Variants in NPM2 observed in about 807,000 individuals in gnomAD.
The protein encoded by NPM2 is nucleophosmin/nucleoplasmin 2, also known as nucleoplasmin-2.
A neutral mutation model predicts 32.0 loss-of-function variants in NPM2; 25 were observed. That is an observed-to-expected ratio of 0.78 (90% CI 0.57 to 1.09). The LOEUF is 1.09. NPM2 is among the 50% of genes least tolerant of loss of function. The probability of loss-of-function intolerance (pLI) is 0.00; values close to 1 mark genes in which losing one functional copy is unlikely to be tolerated. For synonymous variants in NPM2, 111 were observed against 94.2 expected, an observed-to-expected ratio of 1.18 and a Z score of -1.04; for missense variants, 282 against 259.9, an observed-to-expected ratio of 1.08 and a Z score of -0.58.
In NPM2 at chr8:22,025,534, A is replaced by T; in HGVS notation, c.144+13A>T. The T allele has an allele frequency of 6.2e-7, 1 of 1,613,918 alleles. No homozygotes were observed. Among genetic ancestry groups the T allele is most frequent in the African/African-American group, 1.3e-5 (1 of 75,058 alleles). ...GTTGCTTCATACGGTAGGTGTTCCC[A>T]AAAGAGGGGAGGAAGATGGTGTCCG... On this transcript the variant is annotated intron_variant, in intron 4 of 9. Coordinates refer to ENST00000518119, the MANE Select transcript of NPM2 (RefSeq NM_001286680.2).
chr8:22,033,078 G>A (rs1947986), intron 5 of NPM2, 52 bp from the exon 6 acceptor site: 410,632 of 1,358,486 alleles, frequency 0.3, 64,304 homozygotes, highest in East Asian at 0.47. Context: ...GCTAGTCCCC[G>A]AGAGGTGCCA....
intron 5 of NPM2, 130 bp from the exon 6 acceptor site, chr8:22,033,000 C>T (rs373282700): frequency 1.9e-5 from 13 of 679,148 alleles, no homozygotes; most frequent in South Asian, 3.4e-5. Flanking sequence ...GGACAGAATC[C>T]ACCTCAGCAG....
At chr8:22,028,794 G>A (rs1442378685) in intron 5 of NPM2, among the ~76,000 whole-genome samples, 1 of 152,152 alleles carries the variant, frequency 6.6e-6, no homozygotes, top group East Asian at 1.9e-4. Flanking sequence ...TGTGTTTTAT[G>A]TCTTATGTTC....
Position 22,036,736 on chromosome 8 carries a change from G to T in NPM2, c.*54G>T, listed in dbSNP as rs771096593. On this transcript the variant is annotated 3_prime_UTR_variant, in exon 10 of 10. Coordinates refer to ENST00000518119, the MANE Select transcript of NPM2 (RefSeq NM_001286680.2). ...AAGTGGGCCTTCCCTGGGCTGTGCT[G>T]CAGGCACAGGGTGCCCCTGTCCAGC... 8.7e-6 allele frequency: 13 copies of T among 1,495,728 alleles called. No homozygotes were observed. Among genetic ancestry groups the T allele is most frequent in the African/African-American group, 1.4e-5 (1 of 70,452 alleles). The allele number at this position is 1,495,728 out of a possible 1,614,324, so 92.7% of individuals were successfully genotyped here. A position where few individuals can be genotyped will look rare whatever the true frequency, so the allele number is the denominator to read the frequency against.
intron 5 of NPM2, among the ~76,000 whole-genome samples, chr8:22,026,105 G>A (rs767471588): frequency 2.0e-5 from 3 of 152,116 alleles, no homozygotes; most frequent in Admixed American, 6.5e-5. Context: ...CCTGCCTCCC[G>A]TCAGATCAGA....
rs1267442165 is a variant in NPM2 at position 22,034,248 on chromosome 8, G to A, written c.504G>A (p.Val168=). The A allele has an allele frequency of 6.2e-6, 10 of 1,601,894 alleles. No individual in the cohort carries two copies. The highest frequency in any genetic ancestry group is 2.3e-5 in the South Asian group (2 of 88,696). The change falls in exon 7 of 10, where the codon GTG becomes GTA. Residue 168 remains valine (V), a synonymous_variant. Coordinates refer to ENST00000518119, the MANE Select transcript of NPM2 (RefSeq NM_001286680.2). ...QSPVKQVKRL[V]PQKQASVAKK... ...CTGTCAAACAAGTCAAAAGGCTGGT[G>A]CCCCAGAAGCAGGCGAGCGTGGCTA...
At chr8:22,034,086 C>A (rs758053552) in intron 6 of NPM2, 23 bp from the exon 7 acceptor site, 4 of 1,564,112 alleles carry the variant, frequency 2.6e-6, no homozygotes, top group African/African-American at 1.4e-5. Context: ...TGTGCCCCTG[C>A]ATCCTTTCCC....
In NPM2 at chr8:22,033,971, G is replaced by C. The variant is rs528304526; in HGVS notation, c.365-138G>C. 6 of 1,333,936 alleles carry C rather than the reference G, an allele frequency of 4.5e-6. No homozygotes were observed. In the East Asian group the frequency reaches 1.2e-4, roughly 26 times the overall value. The allele number at this position is 1,333,936 out of a possible 1,614,324, so 82.6% of individuals were successfully genotyped here. Reference sequence around the variant, plus strand: ...GGGTGCCGCCCTGTACAGGTGGCAGGCAGGTAACCACTGTCAACTCCAGGC... The same window carrying C: ...GGGTGCCGCCCTGTACAGGTGGCAGCCAGGTAACCACTGTCAACTCCAGGC... On this transcript the variant is annotated intron_variant, in intron 6 of 9. Transcript: ENST00000518119.
rs561972485 is a variant in NPM2, at chr8:22,024,798, A to T, written c.-66A>T. ...GTTGCGCTGCGCTCCGGGAGCGCCGATGGCGTGACTGGCCCCGCGCGGAGC... is the reference window on the plus strand; with the variant it reads ...GTTGCGCTGCGCTCCGGGAGCGCCGTTGGCGTGACTGGCCCCGCGCGGAGC... On this transcript the variant is annotated 5_prime_UTR_variant, in exon 2 of 10. It removes an upstream start codon present in the reference 5' UTR. Coordinates refer to ENST00000518119, the MANE Select transcript of NPM2 (RefSeq NM_001286680.2). The T allele has an allele frequency of 6.3e-6, 1 of 158,652 alleles. No homozygotes were observed. Among genetic ancestry groups the T allele is most frequent in the African/African-American group, 2.4e-5 (1 of 41,752 alleles). 9.8% of individuals were successfully genotyped at this position (158,652 alleles called of 1,614,324 possible).
intron 3 of NPM2, 44 bp downstream of exon 3, chr8:22,025,350 C>T (rs555724968): frequency 1.8e-5 from 29 of 1,600,510 alleles, no homozygotes; most frequent in Non-Finnish European, 2.2e-5. Flanking sequence ...CGCCCCACCT[C>T]CGGTGCGCGG....
Position 22,036,882 on chromosome 8 carries a change from A to G in NPM2, c.*200A>G, listed in dbSNP as rs1168695237. On this transcript the variant is annotated 3_prime_UTR_variant, in exon 10 of 10. Transcript: ENST00000518119. ...GAGCCCCACCTCGGGGTCACAATAAAGTTGCCTGGTCAGGACTTTCCTTCT... is the reference window on the plus strand; with the variant it reads ...GAGCCCCACCTCGGGGTCACAATAAGGTTGCCTGGTCAGGACTTTCCTTCT... 1.7e-6 allele frequency: 1 copy of G among 573,718 alleles called. No individual in the cohort carries two copies. The highest frequency in any genetic ancestry group is 3.0e-6 in the Non-Finnish European group (1 of 333,104). The allele number at this position is 573,718 out of a possible 1,614,324, so 35.5% of individuals were successfully genotyped here. A position where few individuals can be genotyped will look rare whatever the true frequency, so the allele number is the denominator to read the frequency against.
chr8:22,026,210 A>G (rs77576508), intron 5 of NPM2, among the ~76,000 whole-genome samples: 2,763 of 152,076 alleles, frequency 0.018, 93 homozygotes, highest in African/African-American at 0.064. Context: ...CGAATGCCTG[A>G]TCTGAGGTGG....
chr8:22,026,241 A>AC (rs1021230966), intron 5 of NPM2, among the ~76,000 whole-genome samples: 1 of 150,316 alleles, frequency 6.7e-6, no homozygotes, highest in Non-Finnish European at 1.5e-5. Flanking sequence ...TCCCAAAACC[A>AC]CCCCCCACTC....
chr8:22,036,423 G>A (rs1274759995), intron 8 of NPM2, 70 bp from the exon 9 acceptor site: 8 of 1,509,778 alleles, frequency 5.3e-6, no homozygotes, highest in South Asian at 4.9e-5. Context: ...GGAGGGCCAC[G>A]CCGCTGGTCT....
Position 22,034,334 on chromosome 8 carries a change from A to T in NPM2, c.531+59A>T, listed in dbSNP as rs1019271314. ...TGGTACCCCTACAGAAGCACTTAAGAGGGGTGGGCCACCGGGAGCCTGGGC... is the reference window on the plus strand; with the variant it reads ...TGGTACCCCTACAGAAGCACTTAAGTGGGGTGGGCCACCGGGAGCCTGGGC... On this transcript the variant is annotated intron_variant, in intron 7 of 9. Transcript: ENST00000518119. 2.6e-6 allele frequency: 4 copies of T among 1,512,332 alleles called. No homozygotes were observed. The African/African-American group carries it at 5.6e-5, about 21-fold the overall frequency. The allele number at this position is 1,512,332 out of a possible 1,614,324, so 93.7% of individuals were successfully genotyped here.
intron 5 of NPM2, among the ~76,000 whole-genome samples, chr8:22,026,627 G>A (rs2117447931): frequency 6.6e-6 from 1 of 152,014 alleles, no homozygotes; most frequent in South Asian, 2.1e-4. Context: ...GCTAATTTTT[G>A]TATTTTTAGT....
In NPM2 at chr8:22,025,350, C is replaced by G. The variant is rs555724968; in HGVS notation, c.58+44C>G. ...TCCTTCCCAGAGACACGCCCCACCTCCGGTGCGCGGCAGCTTGGGGCGCAG... is the reference window on the plus strand; with the variant it reads ...TCCTTCCCAGAGACACGCCCCACCTGCGGTGCGCGGCAGCTTGGGGCGCAG... On this transcript the variant is annotated intron_variant, in intron 3 of 9. Transcript: ENST00000518119. 1.0e-5 allele frequency: 16 copies of G among 1,600,628 alleles called. No homozygotes were observed. The East Asian group carries it at 2.5e-4, about 25-fold the overall frequency.
intron 8 of NPM2, among the ~76,000 whole-genome samples, chr8:22,035,800 G>C (rs936240023): frequency 6.6e-6 from 1 of 151,904 alleles, no homozygotes; most frequent in Non-Finnish European, 1.5e-5. Context: ...GGGCGTGGTG[G>C]CATGTGCCTG....
At chr8:22,025,094 G>T in intron 2 of NPM2, 122 bp from the exon 3 acceptor site, 1 of 740,434 alleles carries the variant, frequency 1.4e-6, no homozygotes, top group East Asian at 2.8e-5. Flanking sequence ...CCTTGACCGT[G>T]GCAGGTCCCC....
Sources: allele counts gnomAD v4.1 joint callset (sites outside exome capture counted in the v4.1 genomes callset), GRCh38; gene constraint gnomAD v4.1.1; transcripts MANE v1.5; gene names NCBI Gene and HGNC (gene_info 2026-07-23, HGNC 2026-07-21).